The following RGS7 variants were observed in gnomAD, a reference collection of about 807,000 sequenced individuals.
RGS7 encodes regulator of G-protein signaling 7.
RGS7 carries 27 observed loss-of-function variants against 81.1 expected under a neutral mutation model. The observed-to-expected ratio is 0.33, with a 90% CI of 0.25 to 0.46. RGS7 has a LOEUF of 0.46. RGS7 is among the 20% of genes least tolerant of loss of function. The probability of loss-of-function intolerance (pLI) is 1.00; values close to 1 mark genes in which losing one functional copy is unlikely to be tolerated. For missense variants in RGS7, 396 were observed against 607.4 expected, an observed-to-expected ratio of 0.65 and a Z score of 3.66; for synonymous variants, 208 against 207.7, an observed-to-expected ratio of 1.00 and a Z score of -0.01.
At position 240,802,987 on chromosome 1, in the gene RGS7, T is replaced by C; in HGVS notation, c.1276A>G (p.Ile426Val). 1 of 1,604,152 alleles carries C rather than the reference T, an allele frequency of 6.2e-7. No individual in the cohort carries two copies. The highest frequency in any genetic ancestry group is 8.5e-7 in the Non-Finnish European group (1 of 1,171,088). The change falls in exon 16 of 19, where the codon ATT becomes GTT. Residue 426 changes from isoleucine to valine, a missense_variant. Physicochemically the swap from Ile to Val is conservative, Grantham distance 29 (BLOSUM62 3). Coordinates refer to ENST00000440928, the MANE Select transcript of RGS7 (RefSeq NM_001364886.1). ...GAATCACTTTTCATCAGTTTGTAAATGTGCTCCTAAAAAGAAATAATGGTT... is the reference window on the plus strand; with the variant it reads ...GAATCACTTTTCATCAGTTTGTAAACGTGCTCCTAAAAAGAAATAATGGTT... ...RYTFEDAQEH[I>V]YKLMKSDSYP... is the part of the protein sequence containing the mutation.
intron 2 of RGS7, among the ~76,000 whole-genome samples, chr1:241,295,027 T>C (rs2079317623): frequency 6.6e-6 from 1 of 152,258 alleles, no homozygotes; most frequent in Non-Finnish European, 1.5e-5. Flanking sequence ...GGTGAAATAA[T>C]AGTTCCTCTA....
chr1:241,328,266 T>G (rs2148646730), intron 2 of RGS7, among the ~76,000 whole-genome samples: 1 of 152,350 alleles, frequency 6.6e-6, no homozygotes, highest in South Asian at 2.1e-4. Context: ...GCTAGTAACC[T>G]TGTTCCAATC....
chr1:240,920,060 G>C lies in RGS7; in HGVS notation c.385+10657C>G, dbSNP rs113818470. 1.9e-3 allele frequency: 1,897 copies of C among 1,003,054 alleles called. 8 individuals are homozygous for C. The highest frequency in any genetic ancestry group is 0.01 in the Middle Eastern group (34 of 3,260). 62.1% of individuals were successfully genotyped at this position (1,003,054 alleles called of 1,614,324 possible). The stretch of plus-strand genomic sequence containing the variant: ...GAAAAATTGAAGGGATTGAAATCAT[G>C]ACTGATTGAGGCAATGGCAAGAAAA... On this transcript the variant is annotated intron_variant, in intron 6 of 18. Coordinates refer to ENST00000440928, the MANE Select transcript of RGS7 (RefSeq NM_001364886.1).
intron 2 of RGS7, among the ~76,000 whole-genome samples, chr1:241,306,706 C>G (rs2080186014): frequency 6.6e-6 from 1 of 151,748 alleles, no homozygotes; most frequent in Admixed American, 6.6e-5. Context: ...CACATACACC[C>G]TTATACACAT....
At chr1:241,331,097 A>G (rs2081951970) in intron 2 of RGS7, among the ~76,000 whole-genome samples, 1 of 152,208 alleles carries the variant, frequency 6.6e-6, no homozygotes, top group African/African-American at 2.4e-5. Flanking sequence ...GTCAAAAGCC[A>G]ACTAAAGAGG....
At chr1:241,173,576 G>A (rs2070887760) in intron 2 of RGS7, among the ~76,000 whole-genome samples, 1 of 152,054 alleles carries the variant, frequency 6.6e-6, no homozygotes, top group Non-Finnish European at 1.5e-5. Flanking sequence ...CTTGAGCCCA[G>A]GAGTTCAAGA....
In RGS7 at chr1:241,017,267, C is replaced by G. The variant is rs531665459; in HGVS notation, c.176-34138G>C. Among the ~76,000 whole-genome samples the G allele has an allele frequency of 2.0e-5, 3 of 152,088 alleles. No individual in the cohort carries two copies. The East Asian group carries it at 5.8e-4, about 29-fold the overall frequency. On this transcript the variant is annotated intron_variant, in intron 3 of 18. Coordinates refer to ENST00000440928, the MANE Select transcript of RGS7 (RefSeq NM_001364886.1). Reference sequence around the variant, plus strand: ...GACCAGCCTGGTCAACACGGTGAAACCCCGTCTCTACTAAAATACAAAAAT... The same window carrying G: ...GACCAGCCTGGTCAACACGGTGAAAGCCCGTCTCTACTAAAATACAAAAAT...
rs576875710 is a variant in RGS7, at chr1:241,182,584, C to A, written c.79-83822G>T. Among the ~76,000 whole-genome samples, 4 of 152,006 alleles carry A rather than the reference C, an allele frequency of 2.6e-5. No individual in the cohort carries two copies. In the East Asian group the frequency reaches 7.7e-4, roughly 29 times the overall value. On this transcript the variant is annotated intron_variant, in intron 2 of 18. Coordinates refer to ENST00000440928, the MANE Select transcript of RGS7 (RefSeq NM_001364886.1). ...CGTTTTGAAAATTGAGTATTCATCC[C>A]GTTCCTGAGCCTTAGTTTTTCCAGG...
intron 14 of RGS7, among the ~76,000 whole-genome samples, chr1:240,808,951 T>G (rs1412670963): frequency 6.6e-6 from 1 of 152,066 alleles, no homozygotes; most frequent in Non-Finnish European, 1.5e-5. Context: ...CTTTGATTCT[T>G]GATTTCCTCA....
chr1:240,785,388 G>A lies in RGS7; in HGVS notation c.*7-9175C>T, dbSNP rs554200913. Among the ~76,000 whole-genome samples the A allele has an allele frequency of 8.4e-4, 128 of 152,210 alleles. 1 individual carries two copies. Among genetic ancestry groups the A allele is most frequent in the African/African-American group, 2.9e-3 (120 of 41,548 alleles). ...TTTCTAACTATCCCTAAACTCCTCCGGTTCCCTCTTTGAATTCTTCTTGCT... is the reference window on the plus strand; with the variant it reads ...TTTCTAACTATCCCTAAACTCCTCCAGTTCCCTCTTTGAATTCTTCTTGCT... On this transcript the variant is annotated intron_variant, in intron 18 of 18. Coordinates refer to ENST00000440928, the MANE Select transcript of RGS7 (RefSeq NM_001364886.1).
intron 2 of RGS7, among the ~76,000 whole-genome samples, chr1:241,228,873 C>CTGG (rs2075480188): frequency 6.6e-6 from 1 of 151,942 alleles, no homozygotes; most frequent in South Asian, 2.1e-4. Flanking sequence ...ATGAATAAAA[C>CTGG]AATGAAATTT....
At chr1:240,799,468 C>T (rs1163771590) in intron 18 of RGS7, among the ~76,000 whole-genome samples, 1 of 151,834 alleles carries the variant, frequency 6.6e-6, no homozygotes, top group African/African-American at 2.4e-5. Context: ...ATGGGCCCTC[C>T]CTCCTCACCC....
intron 2 of RGS7, among the ~76,000 whole-genome samples, chr1:241,190,520 C>T (rs1015240219): frequency 2.6e-5 from 4 of 152,078 alleles, no homozygotes; most frequent in African/African-American, 9.7e-5. Context: ...GTTTTCAGCA[C>T]ACAAGCTCTG....
chr1:240,823,380 A>G, intron 10 of RGS7: 1 of 452,850 alleles, frequency 2.2e-6, no homozygotes, highest in South Asian at 1.9e-5. Context: ...GCCTGGAGCC[A>G]CGGCCGAAGC....
intron 2 of RGS7, among the ~76,000 whole-genome samples, chr1:241,208,067 G>A (rs866545786): frequency 8.5e-5 from 13 of 152,184 alleles, no homozygotes; most frequent in Middle Eastern, 6.8e-3. Flanking sequence ...CACTGTGCCT[G>A]GCTAATTTTT....
rs10926448 is a variant in RGS7 at position 241,271,168 on chromosome 1, C to T, written c.78+84531G>A. 3.9e-5 allele frequency among the ~76,000 whole-genome samples: 6 copies of T among 151,968 alleles called. No individual in the cohort carries two copies. The highest frequency in any genetic ancestry group is 6.5e-5 in the Admixed American group (1 of 15,276). On this transcript the variant is annotated intron_variant, in intron 2 of 18. Coordinates refer to ENST00000440928, the MANE Select transcript of RGS7 (RefSeq NM_001364886.1). The surrounding 1 kb of genome is among the most constrained non-coding windows in gnomAD (Gnocchi z 4.6). ...TTGGCGGGAACTTACGTGGCTAAAA[C>T]GTCTCCTTTATAATGTGGAGCTAAA...
chr1:241,058,560 G>A (rs1392611120), intron 3 of RGS7, among the ~76,000 whole-genome samples: 4 of 152,282 alleles, frequency 2.6e-5, no homozygotes, highest in Non-Finnish European at 4.4e-5. Flanking sequence ...ATTCACAGCC[G>A]GTAACTTGGG....
At chr1:240,880,532 C>T (rs973350300) in intron 6 of RGS7, among the ~76,000 whole-genome samples, 20 of 152,210 alleles carry the variant, frequency 1.3e-4, no homozygotes, top group African/African-American at 4.1e-4. Context: ...CTCCCCTCTA[C>T]CCTCGAGCTT....
chr1:241,327,734 G>C (rs1421127989), intron 2 of RGS7, among the ~76,000 whole-genome samples: 1 of 152,114 alleles, frequency 6.6e-6, no homozygotes. Context: ...AACGTATGTA[G>C]GTATGTTAAG....
Sources: allele counts gnomAD v4.1 joint callset (sites outside exome capture counted in the v4.1 genomes callset), GRCh38; gene constraint gnomAD v4.1.1; non-coding constraint Gnocchi (gnomAD v3.1); transcripts MANE v1.5; gene names NCBI Gene and HGNC (gene_info 2026-07-23, HGNC 2026-07-21).